The following NPR3 variants were observed in gnomAD, a reference collection of about 807,000 sequenced individuals.
NPR3 encodes atrial natriuretic peptide receptor 3.
A neutral mutation model predicts 54.5 loss-of-function variants in NPR3; 34 were observed. The ratio of observed to expected loss-of-function variants is 0.62; its 90% CI spans 0.47 to 0.83. NPR3 has a LOEUF of 0.83. Among genes scored for constraint, NPR3 ranks in the 40% least tolerant of loss-of-function variants. NPR3 has a pLI of 0.00. For synonymous variants in NPR3, 289 were observed against 297.1 expected (o/e 0.97, Z 0.28); for missense variants, 674 against 720.8 (o/e 0.94, Z 0.74).
Position 32,782,934 on chromosome 5 carries a change from G to A in NPR3, c.1332G>A (p.Met444Ile). 1 of 1,611,864 alleles carries A rather than the reference G, an allele frequency of 6.2e-7. No individual in the cohort carries two copies. The highest frequency in any genetic ancestry group is 8.5e-7 in the Non-Finnish European group (1 of 1,178,720). ...TTGGAAAAGAAGGTCGTTTTGAAATGCGGCCGAATGTCAAATATCCTTGGG... is the reference window on the plus strand; with the variant it reads ...TTGGAAAAGAAGGTCGTTTTGAAATACGGCCGAATGTCAAATATCCTTGGG... ...DYFGKEGRFE[M>I]RPNVKYPWGP... Residue 444 changes from methionine to isoleucine, a missense_variant, in exon 6 of 8, where the codon ATG becomes ATA. Physicochemically the swap from Met to Ile is conservative, Grantham distance 10. Coordinates refer to ENST00000265074, the MANE Select transcript of NPR3 (RefSeq NM_001204375.2).
chr5:32,694,770 T>C (rs1740483268), intron 1 of NPR3, among the ~76,000 whole-genome samples: 1 of 152,234 alleles, frequency 6.6e-6, no homozygotes, highest in Non-Finnish European at 1.5e-5. Flanking sequence ...AGCCACCCTG[T>C]GGTGCTATAA....
intron 1 of NPR3, among the ~76,000 whole-genome samples, chr5:32,718,948 C>T (rs1262488460): frequency 5.3e-5 from 8 of 152,132 alleles, no homozygotes; most frequent in Non-Finnish European, 7.3e-5. Flanking sequence ...GGAAAAACTG[C>T]TTCCAGTTTT....
At position 32,712,259 on chromosome 5, in the gene NPR3, CGCTG is replaced by C; in HGVS notation, c.487_490del (p.Gly163SerfsTer24). The C allele has an allele frequency of 6.2e-7, 1 of 1,612,692 alleles. No homozygotes were observed. Among genetic ancestry groups the C allele is most frequent in the Non-Finnish European group, 8.5e-7 (1 of 1,179,654 alleles). On this transcript the variant is annotated frameshift_variant, in exon 1 of 8. Transcript: ENST00000265074. LOFTEE classifies it high-confidence loss of function. ...CCATGCTGTCGGCTGGGGCGCTGGC[CGCTG>C]GCTTCCAGCACAAGGACTCTGAGTA...
intron 2 of NPR3, among the ~76,000 whole-genome samples, chr5:32,726,315 T>G (rs966379425): frequency 2.0e-5 from 3 of 152,088 alleles, no homozygotes; most frequent in Non-Finnish European, 4.4e-5. Context: ...ATCATGGAGA[T>G]AAAGAAAAGT....
intron 1 of NPR3, among the ~76,000 whole-genome samples, chr5:32,720,938 T>C (rs1032499103): frequency 6.6e-6 from 1 of 152,214 alleles, no homozygotes; most frequent in Non-Finnish European, 1.5e-5. Flanking sequence ...TAATTAGTTA[T>C]TATATAAATT....
intron 1 of NPR3, among the ~76,000 whole-genome samples, chr5:32,723,467 G>A (rs1738973883): frequency 6.6e-6 from 1 of 152,214 alleles, no homozygotes; most frequent in Non-Finnish European, 1.5e-5. Context: ...TCTTATGTAT[G>A]TTGAGACAAC....
At chr5:32,771,097 T>G (rs1195761437) in intron 3 of NPR3, among the ~76,000 whole-genome samples, 2 of 152,146 alleles carry the variant, frequency 1.3e-5, no homozygotes, top group East Asian at 3.8e-4. Context: ...CACGTCGAAT[T>G]TTCAGTGTCT....
chr5:32,691,260 G>A (rs1426090266), intron 1 of NPR3, among the ~76,000 whole-genome samples: 2 of 152,206 alleles, frequency 1.3e-5, no homozygotes, highest in Admixed American at 6.5e-5. Context: ...GTTTTAGCGA[G>A]CACTTGTTTA....
chr5:32,725,557 A>G (rs980527829), intron 2 of NPR3, among the ~76,000 whole-genome samples: 2 of 152,194 alleles, frequency 1.3e-5, no homozygotes, highest in African/African-American at 4.8e-5. Context: ...CCAACTGCAC[A>G]TTGCAATCAT....
At chr5:32,755,908 C>T (rs1388212462) in intron 3 of NPR3, among the ~76,000 whole-genome samples, 2 of 152,188 alleles carry the variant, frequency 1.3e-5, no homozygotes, top group Non-Finnish European at 2.9e-5. Context: ...CCAACTTCAT[C>T]CATGTCCCTA....
chr5:32,712,357 A>G lies in NPR3; in HGVS notation c.581A>G (p.His194Arg), dbSNP rs1270851345. The change falls in exon 1 of 8, where the codon CAC becomes CGC. Residue 194 changes from histidine (H) to arginine (R), a missense_variant. Transcript: ENST00000265074. ...GAGATGATGCTCGCCCTGTTCCGCC[A>G]CCACCACTGGAGCCGCGCTGCACTG... Reference protein sequence around the residue: ...MGEMMLALFRHHHWSRAALVY... With the variant: ...MGEMMLALFRRHHWSRAALVY... 1 of 1,612,760 alleles carries G rather than the reference A, an allele frequency of 6.2e-7. No individual in the cohort carries two copies. The highest frequency in any genetic ancestry group is 8.5e-7 in the Non-Finnish European group (1 of 1,179,278).
rs1324626522 is a variant in NPR3, at chr5:32,782,875, T to G, written c.1291-18T>G. 1.3e-6 allele frequency: 2 copies of G among 1,586,448 alleles called. No homozygotes were observed. The highest frequency in any genetic ancestry group is 1.7e-6 in the Non-Finnish European group (2 of 1,168,476). Reference sequence around the variant, plus strand: ...TTTGACTTTTTGGTTTGTCTATTTGTTTTTTGCCTCTATATAGGTTATTGG... The same window carrying G: ...TTTGACTTTTTGGTTTGTCTATTTGGTTTTTGCCTCTATATAGGTTATTGG... On this transcript the variant is annotated intron_variant, in intron 5 of 7. Transcript: ENST00000265074.
At chr5:32,759,221 A>G (rs1320944498) in intron 3 of NPR3, among the ~76,000 whole-genome samples, 1 of 152,128 alleles carries the variant, frequency 6.6e-6, no homozygotes, top group African/African-American at 2.4e-5. Context: ...GTTTCCCATT[A>G]TTATTGTGTG....
In NPR3 at chr5:32,711,992, G is replaced by T. The variant is rs1390122590; in HGVS notation, c.216G>T (p.Val72=). The change falls in exon 1 of 8, where the codon GTG becomes GTT. Residue 72 remains valine (V), a synonymous_variant. Coordinates refer to ENST00000265074, the MANE Select transcript of NPR3 (RefSeq NM_001204375.2). The part of the protein sequence containing the change: ...DDSYLFSLTR[V]RPAIEYALRS... ...CGTACTTGTTTTCACTCACCCGGGT[G>T]CGGCCGGCCATCGAGTATGCTCTGC... is the stretch of plus-strand genomic sequence containing the variant. 1 of 1,611,848 alleles carries T rather than the reference G, an allele frequency of 6.2e-7. No individual in the cohort carries two copies. Among genetic ancestry groups the T allele is most frequent in the East Asian group, 2.2e-5 (1 of 44,828 alleles).
At chr5:32,706,946 C>A (rs1359183464), upstream of NPR3, among the ~76,000 whole-genome samples, 1 of 152,100 alleles carries the variant, frequency 6.6e-6, no homozygotes, top group Admixed American at 6.5e-5. Flanking sequence ...AAATTTTTAT[C>A]TTTTAATTCC....
intron 4 of NPR3, 94 bp downstream of exon 4, chr5:32,774,937 C>T (rs777461173): frequency 6.1e-6 from 6 of 991,382 alleles, no homozygotes; most frequent in Non-Finnish European, 8.0e-6. Flanking sequence ...GGGGCCTTTC[C>T]AGCGTCTTGC....
At chr5:32,719,944 A>T (rs1284752849) in intron 1 of NPR3, among the ~76,000 whole-genome samples, 1 of 152,006 alleles carries the variant, frequency 6.6e-6, no homozygotes, top group Non-Finnish European at 1.5e-5. Context: ...TTTCCTTCTA[A>T]ATTTGTAATT....
chr5:32,754,902 C>T (rs1382745119), intron 3 of NPR3, among the ~76,000 whole-genome samples: 1 of 152,068 alleles, frequency 6.6e-6, no homozygotes, highest in African/African-American at 2.4e-5. Flanking sequence ...GTTCTGTAGC[C>T]CAGGCTGGAG....
At chr5:32,699,061 C>T (rs1740604300) in intron 1 of NPR3, among the ~76,000 whole-genome samples, 2 of 152,142 alleles carry the variant, frequency 1.3e-5, no homozygotes, top group South Asian at 4.1e-4. Flanking sequence ...TTCATTCCTT[C>T]TTGTCTTCCT....
Sources: gnomAD v4.1 joint callset for allele counts (sites outside exome capture counted in the v4.1 genomes callset) on GRCh38, gnomAD v4.1.1 for gene constraint, MANE v1.5 for transcripts, NCBI Gene and HGNC (gene_info 2026-07-23, HGNC 2026-07-21) for gene names.